Variants in CDC14A observed in about 807,000 individuals in gnomAD.
The protein encoded by CDC14A is dual specificity protein phosphatase CDC14A.
A neutral mutation model predicts 74.4 loss-of-function variants in CDC14A; 53 were observed. The ratio of observed to expected loss-of-function variants is 0.71; its 90% CI spans 0.57 to 0.89. The LOEUF is 0.89. CDC14A is among the 40% of genes least tolerant of loss of function. CDC14A has a pLI of 0.00. For synonymous variants in CDC14A, 247 were observed against 258.4 expected, an observed-to-expected ratio of 0.96 and a Z score of 0.43; for missense variants, 646 against 713.7, an observed-to-expected ratio of 0.91 and a Z score of 1.08.
chr1:100,408,358 A>T (rs1660224581), intron 4 of CDC14A, among the ~76,000 whole-genome samples: 1 of 152,194 alleles, frequency 6.6e-6, no homozygotes, highest in African/African-American at 2.4e-5. Context: ...TGCTATTGTG[A>T]ATAGTGCTGC....
At chr1:100,348,058 C>A (rs756548685), upstream of CDC14A, among the ~76,000 whole-genome samples, 5 of 151,960 alleles carry the variant, frequency 3.3e-5, no homozygotes, top group Non-Finnish European at 5.9e-5. Flanking sequence ...GCGAGGTGGG[C>A]GGATCACGAG....
rs531128322 is a variant in CDC14A at position 100,443,351 on chromosome 1, T to C, written c.519+355T>C. On this transcript the variant is annotated intron_variant, in intron 7 of 15. Coordinates refer to ENST00000336454, the MANE Select transcript of CDC14A (RefSeq NM_003672.4). ...ATTTGTACCTTTTATTTATTTATTT[T>C]TGAGGCGGTGTCTAGCTCTTTTGTC... Among the ~76,000 whole-genome samples the C allele has an allele frequency of 8.5e-5, 13 of 152,284 alleles. No homozygotes were observed. In the East Asian group the frequency reaches 2.5e-3, roughly 29 times the overall value.
Position 100,453,206 on chromosome 1 carries a change from TC to T in CDC14A, c.520-2198del, listed in dbSNP as rs140274560. On this transcript the variant is annotated intron_variant, in intron 7 of 15. Coordinates refer to ENST00000336454, the MANE Select transcript of CDC14A (RefSeq NM_003672.4). ...TCTTTTGGTTCTGTGAATGAATGTA[TC>T]TTAGGGATCCCCTTGCCTCTCTCCA... Among the ~76,000 whole-genome samples, 1,155 of 152,284 alleles carry T rather than the reference TC, an allele frequency of 7.6e-3. 13 individuals are homozygous for T. Among genetic ancestry groups the T allele is most frequent in the African/African-American group, 0.027 (1,104 of 41,566 alleles).
chr1:100,491,544 CTCTCTATA>C (rs1418558820), intron 11 of CDC14A, among the ~76,000 whole-genome samples: 48 of 41,314 alleles, frequency 1.2e-3, no homozygotes, highest in African/African-American at 3.0e-3. Context: ...CTCTCTCTCT[CTCTCTATA>C]TATATATATA....
intron 15 of CDC14A, among the ~76,000 whole-genome samples, chr1:100,515,615 C>T (rs76246701): frequency 6.6e-6 from 1 of 151,972 alleles, no homozygotes; most frequent in Non-Finnish European, 1.5e-5. Context: ...GAACTCCTAA[C>T]CTCAGATGAT....
At chr1:100,393,908 A>G in intron 4 of CDC14A, 1 of 225,078 alleles carries the variant, frequency 4.4e-6, no homozygotes, top group Non-Finnish European at 8.7e-6. Context: ...GCGCCACTGC[A>G]CTCCAGCCTG....
chr1:100,460,642 G>A (rs924903370), intron 8 of CDC14A, among the ~76,000 whole-genome samples: 3 of 152,228 alleles, frequency 2.0e-5, no homozygotes, highest in Admixed American at 1.3e-4. Context: ...ATTTGAGCAA[G>A]TAAACCAACT....
intron 7 of CDC14A, among the ~76,000 whole-genome samples, chr1:100,452,107 A>G (rs1278068363): frequency 6.6e-6 from 1 of 152,170 alleles, no homozygotes; most frequent in Admixed American, 6.5e-5. Flanking sequence ...TATCTTTTCT[A>G]TCTTATTGTA....
chr1:100,438,553 G>A (rs944181057), intron 5 of CDC14A, among the ~76,000 whole-genome samples: 2 of 152,084 alleles, frequency 1.3e-5, no homozygotes, highest in East Asian at 1.9e-4. Flanking sequence ...TTTGAAAAGG[G>A]GGCTATTTTA....
intron 4 of CDC14A, among the ~76,000 whole-genome samples, chr1:100,406,708 G>A (rs1659982639): frequency 6.6e-6 from 1 of 152,056 alleles, no homozygotes; most frequent in African/African-American, 2.4e-5. Context: ...TGGATCACCT[G>A]AGGTTGGGAG....
Position 100,467,944 on chromosome 1 carries a change from A to T in CDC14A, c.839-12A>T, listed in dbSNP as rs538090377. The T allele has an allele frequency of 1.9e-6, 3 of 1,573,420 alleles. No individual in the cohort carries two copies. The East Asian group carries it at 6.9e-5, about 36-fold the overall frequency. ...GACTTTATATTTCTTATTCTGTTTC[A>T]TTCTCTTACAGCTGGTCTTGGAAGA... On this transcript the variant is annotated splice_polypyrimidine_tract_variant and intron_variant, in intron 9 of 15. Coordinates refer to ENST00000336454, the MANE Select transcript of CDC14A (RefSeq NM_003672.4).
At chr1:100,441,905 A>G (rs1557763602) in intron 6 of CDC14A, among the ~76,000 whole-genome samples, 2 of 152,096 alleles carry the variant, frequency 1.3e-5, no homozygotes, top group Non-Finnish European at 2.9e-5. Context: ...CTGTGTTTTG[A>G]AAAAACACTG....
At chr1:100,441,646 C>T (rs1386986557) in intron 6 of CDC14A, among the ~76,000 whole-genome samples, 1 of 149,666 alleles carries the variant, frequency 6.7e-6, no homozygotes, top group Non-Finnish European at 1.5e-5. Flanking sequence ...TATGGATGAA[C>T]TCAGTTTTTT....
Position 100,484,439 on chromosome 1 carries a change from A to C in CDC14A, c.1125A>C (p.Glu375Asp). ...GGNLSKTQNM[E>D]RFGEDNLEDD... ...ATCTTTCAAAAACACAAAACATGGAACGATTTGGAGAGGTAAGTTTTCCCT... is the reference window on the plus strand; with the variant it reads ...ATCTTTCAAAAACACAAAACATGGACCGATTTGGAGAGGTAAGTTTTCCCT... The change falls in exon 11 of 16, where the codon GAA becomes GAC. Residue 375 changes from glutamate (E) to aspartate (D), a missense_variant. Physicochemically the swap from Glu to Asp is conservative, Grantham distance 45. Coordinates refer to ENST00000336454, the MANE Select transcript of CDC14A (RefSeq NM_003672.4). The C allele has an allele frequency of 3.7e-6, 6 of 1,601,474 alleles. No homozygotes were observed. Among genetic ancestry groups the C allele is most frequent in the Non-Finnish European group, 5.1e-6 (6 of 1,175,358 alleles).
At chr1:100,485,488 C>T (rs1474139333) in intron 11 of CDC14A, 1 of 191,326 alleles carries the variant, frequency 5.2e-6, no homozygotes, top group Non-Finnish European at 9.6e-6. Flanking sequence ...TGTTTGAGCC[C>T]AGTGGTCGAA....
rs1651213660 is a variant in CDC14A, at chr1:100,352,593, C to G, written c.-362C>G. ...CGCGATCGGGACCAGAAGTCTCCTC[C>G]TCCATGATCACTTTGGAAGCCGGGG... On this transcript the variant is annotated 5_prime_UTR_variant, in exon 1 of 16. Coordinates refer to ENST00000336454, the MANE Select transcript of CDC14A (RefSeq NM_003672.4). 1 of 1,111,912 alleles carries G rather than the reference C, an allele frequency of 9.0e-7. No individual in the cohort carries two copies. The highest frequency in any genetic ancestry group is 1.1e-6 in the Non-Finnish European group (1 of 909,756). 68.9% of individuals were successfully genotyped at this position (1,111,912 alleles called of 1,614,324 possible).
At chr1:100,421,480 A>G (rs1662357606) in intron 4 of CDC14A, among the ~76,000 whole-genome samples, 1 of 152,214 alleles carries the variant, frequency 6.6e-6, no homozygotes, top group Non-Finnish European at 1.5e-5. Flanking sequence ...TGTGAAAAAG[A>G]CAATGTGTTG....
At chr1:100,425,907 A>C (rs114320967) in intron 5 of CDC14A, among the ~76,000 whole-genome samples, 53 of 152,242 alleles carry the variant, frequency 3.5e-4, no homozygotes, top group Admixed American at 2.2e-3. Flanking sequence ...AAGCAGTTTG[A>C]AGCCTCATTC....
chr1:100,432,423 G>T (rs1361810440), intron 5 of CDC14A, among the ~76,000 whole-genome samples: 1 of 152,172 alleles, frequency 6.6e-6, no homozygotes, highest in Non-Finnish European at 1.5e-5. Context: ...GTAGCTACAT[G>T]TGTTATTGAA....
Sources: allele counts gnomAD v4.1 joint callset (sites outside exome capture counted in the v4.1 genomes callset), GRCh38; gene constraint gnomAD v4.1.1; transcripts MANE v1.5; gene names NCBI Gene and HGNC (gene_info 2026-07-23, HGNC 2026-07-21).